APOO: variants seen among roughly 807,000 people sequenced by gnomAD.
APOO encodes MICOS complex subunit MIC26.
A neutral mutation model predicts 23.1 loss-of-function variants in APOO; 11 were observed. That is an observed-to-expected ratio of 0.48 (90% CI 0.30 to 0.79). APOO has a LOEUF of 0.79. Among genes scored for constraint, APOO ranks in the 30% least tolerant of loss-of-function variants. The pLI is 0.07. For missense variants in APOO, 160 were observed against 142.7 expected (o/e 1.12, Z -0.62); for synonymous variants, 59 against 54.8 (o/e 1.08, Z -0.34).
intron 5 of APOO, among the ~76,000 whole-genome samples, chrX:23,860,073 G>A (rs948554777): frequency 2.7e-5 from 3 of 111,426 alleles, no homozygotes; most frequent in African/African-American, 9.8e-5. Context: ...GAAAGGAAGT[G>A]TCAATCAATT....
chrX:23,906,508 G>A (rs776202095), intron 1 of APOO, among the ~76,000 whole-genome samples: 1 of 112,274 alleles, frequency 8.9e-6, no homozygotes, highest in Admixed American at 9.4e-5. Context: ...TACACTGTTG[G>A]TACACATATA....
intron 7 of APOO, among the ~76,000 whole-genome samples, chrX:23,843,843 A>G (rs945945146): frequency 1.8e-5 from 2 of 111,737 alleles, no homozygotes; most frequent in African/African-American, 6.5e-5. Flanking sequence ...CTCGGCCTAC[A>G]AAGTGCTGGG....
At position 23,890,487 on chromosome X, in the gene APOO, T is replaced by C. The variant is rs372722952; in HGVS notation, c.10-9535A>G. ...TTGTAAAAATTCACTTATGCCCCGT[T>C]TACTTTCCTATATGTATGTTATACA... On this transcript the variant is annotated intron_variant, in intron 1 of 8. Transcript: ENST00000379226. 3.6e-5 allele frequency among the ~76,000 whole-genome samples: 4 copies of C among 112,404 alleles called. No individual in the cohort carries two copies. In the East Asian group the frequency reaches 8.3e-4, roughly 23 times the overall value.
intron 1 of APOO, among the ~76,000 whole-genome samples, chrX:23,904,558 G>T (rs1287363407): frequency 1.1e-5 from 1 of 95,131 alleles, no homozygotes; most frequent in East Asian, 3.5e-4. Context: ...CCAGGCTGGA[G>T]TTCAGTGGTG....
At chrX:23,903,370 GAA>G (rs775150196) in intron 1 of APOO, among the ~76,000 whole-genome samples, 2 of 82,274 alleles carry the variant, frequency 2.4e-5, no homozygotes, top group Non-Finnish European at 2.4e-5. Flanking sequence ...ACTCCATCTA[GAA>G]AAAAAAAAAA....
At chrX:23,872,719 T>A (rs1038534434) in intron 4 of APOO, among the ~76,000 whole-genome samples, 2 of 110,468 alleles carry the variant, frequency 1.8e-5, no homozygotes, top group African/African-American at 6.6e-5. Context: ...TCAGTTTATT[T>A]ACAATACCTA....
intron 8 of APOO, 90 bp downstream of exon 8, chrX:23,840,223 A>G: frequency 2.0e-6 from 1 of 504,417 alleles, no homozygotes; most frequent in South Asian, 5.7e-5. Context: ...TGAAACTGTT[A>G]TAATTAATTA....
At chrX:23,881,095 G>A (rs936979037) in intron 1 of APOO, 143 bp from the exon 2 acceptor site, 53 of 323,314 alleles carry the variant, frequency 1.6e-4, no homozygotes, top group Admixed American at 1.9e-4. Flanking sequence ...ATGTTTTCAA[G>A]ATGGAGTCTT....
intron 7 of APOO, among the ~76,000 whole-genome samples, chrX:23,843,028 C>A (rs903232912): frequency 5.4e-4 from 60 of 111,472 alleles, no homozygotes; most frequent in African/African-American, 1.9e-3. Flanking sequence ...CAAAAACAAA[C>A]AAACAAAAAA....
chrX:23,904,501 C>G (rs1927265508), intron 1 of APOO, among the ~76,000 whole-genome samples: 1 of 92,017 alleles, frequency 1.1e-5, no homozygotes, highest in Admixed American at 1.4e-4. Flanking sequence ...CTTGATGACA[C>G]TGGTTTTTTT....
chrX:23,839,902 C>T (rs892111337), intron 8 of APOO: 3 of 111,704 alleles, frequency 2.7e-5, no homozygotes, highest in African/African-American at 6.5e-5. Context: ...TGCTATTATA[C>T]AATTTTTCAT....
intron 1 of APOO, among the ~76,000 whole-genome samples, chrX:23,889,941 G>A (rs939978526): frequency 1.0e-4 from 11 of 110,291 alleles, no homozygotes; most frequent in Admixed American, 5.9e-4. Context: ...GATTACAGGC[G>A]TCAGCCACCG....
At position 23,839,361 on chromosome X, in the gene APOO, T is replaced by C. The variant is rs570820419; in HGVS notation, c.*29+952A>G. Among the ~76,000 whole-genome samples, 17 of 111,742 alleles carry C rather than the reference T, an allele frequency of 1.5e-4. 1 individual carries two copies. In the South Asian group the frequency reaches 5.2e-3, roughly 34 times the overall value. On this transcript the variant is annotated intron_variant, in intron 8 of 8. Transcript: ENST00000379226. ...CAGTGCTGGTGTAAAAGAAGGAACA[T>C]ACAGGGTTTCAGGGGAGTCTGCTTG...
At chrX:23,864,239 C>T (rs2146996350) in intron 5 of APOO, among the ~76,000 whole-genome samples, 1 of 109,349 alleles carries the variant, frequency 9.1e-6, no homozygotes, top group Non-Finnish European at 1.9e-5. Flanking sequence ...AGGTGATCCA[C>T]CCACCTCAGC....
intron 4 of APOO, among the ~76,000 whole-genome samples, chrX:23,874,106 G>A (rs761016918): frequency 2.9e-4 from 32 of 111,695 alleles, no homozygotes; most frequent in African/African-American, 1.0e-3. Context: ...AATTAGTATG[G>A]TGTATTACGC....
At chrX:23,847,016 A>G (rs1193564489) in intron 7 of APOO, among the ~76,000 whole-genome samples, 2 of 109,707 alleles carry the variant, frequency 1.8e-5, no homozygotes, top group Non-Finnish European at 3.8e-5. Flanking sequence ...GGGACAAATG[A>G]CCCATATAAA....
chrX:23,875,714 C>A (rs968819352), intron 3 of APOO, among the ~76,000 whole-genome samples: 1 of 110,218 alleles, frequency 9.1e-6, no homozygotes, highest in African/African-American at 3.3e-5. Context: ...GCTACTGCGC[C>A]CGGCCTGGAA....
intron 4 of APOO, among the ~76,000 whole-genome samples, chrX:23,870,607 G>A (rs1925564929): frequency 9.5e-6 from 1 of 105,485 alleles, no homozygotes; most frequent in Admixed American, 1.0e-4. Context: ...GCAACATGGC[G>A]AAACCCTGTC....
rs367944878 is a variant in APOO, at chrX:23,853,608, G to GTTTT, written c.561+2690_561+2693dup. 3.7e-4 allele frequency among the ~76,000 whole-genome samples: 38 copies of GTTTT among 101,812 alleles called. No individual in the cohort carries two copies. The East Asian group carries it at 0.01, about 28-fold the overall frequency. The allele number at this position is 101,812 out of a possible 115,157, so 88.4% of individuals were successfully genotyped here. ...CAGGCATGAGCCACCGAGCCCGACCGTTTTTTTTTTTTGTTTGTTTGTTTG... is the reference window on the plus strand; with the variant it reads ...CAGGCATGAGCCACCGAGCCCGACCGTTTTTTTTTTTTTTTTGTTTGTTTGTTTG... On this transcript the variant is annotated intron_variant, in intron 7 of 8. Transcript: ENST00000379226.
Sources: gnomAD v4.1 joint callset for allele counts (sites outside exome capture counted in the v4.1 genomes callset) on GRCh38, gnomAD v4.1.1 for gene constraint, MANE v1.5 for transcripts, NCBI Gene and HGNC (gene_info 2026-07-23, HGNC 2026-07-21) for gene names.